KCTD1: variants seen among roughly 807,000 people sequenced by gnomAD.
The protein encoded by KCTD1 is potassium channel tetramerization domain containing 1, also known as BTB/POZ domain-containing protein KCTD1.
Under a neutral mutation model 66.0 loss-of-function variants are expected in KCTD1, and 24 were observed. The observed-to-expected ratio is 0.36, with a 90% CI of 0.26 to 0.51. The LOEUF is 0.51. KCTD1 is among the 20% of genes least tolerant of loss of function. The probability of loss-of-function intolerance (pLI) is 0.95; values close to 1 mark genes in which losing one functional copy is unlikely to be tolerated. For missense variants in KCTD1, 943 were observed against 1,205.2 expected (o/e 0.78, Z 3.22); for synonymous variants, 511 against 517.2 (o/e 0.99, Z 0.16).
chr18:26,578,577 A>G (rs917946489), intron 1 of KCTD1, among the ~76,000 whole-genome samples: 3 of 152,180 alleles, frequency 2.0e-5, no homozygotes, highest in African/African-American at 7.2e-5. Flanking sequence ...GCTGAACTCA[A>G]CTGAACCAAC....
chr18:26,546,670 A>T (rs1985235104), intron 1 of KCTD1, 58 bp downstream of exon 1: 1 of 1,490,670 alleles, frequency 6.7e-7, no homozygotes, highest in Admixed American at 2.4e-5. Context: ...TTAGCACAAA[A>T]GTTAGTCCCG....
chr18:26,647,226 C>T (rs749650953), intron 1 of KCTD1, among the ~76,000 whole-genome samples: 5 of 151,902 alleles, frequency 3.3e-5, no homozygotes, highest in Admixed American at 2.0e-4. Context: ...AGACTGAATT[C>T]AGCTAGGCAC....
chr18:26,539,434 A>C (rs1236872478), intron 1 of KCTD1, among the ~76,000 whole-genome samples: 1 of 152,100 alleles, frequency 6.6e-6, no homozygotes, highest in Non-Finnish European at 1.5e-5. Context: ...CATTTCCCAC[A>C]AGCTCCCAAG....
chr18:26,456,056 A>C (rs1454598233), intron 4 of KCTD1, 155 bp from the exon 5 acceptor site: 3 of 664,376 alleles, frequency 4.5e-6, no homozygotes, highest in Non-Finnish European at 7.5e-6. Flanking sequence ...CCCTGGATTA[A>C]TGGGCAGGAG....
chr18:26,514,806 A>G (rs1167280998), intron 1 of KCTD1, among the ~76,000 whole-genome samples: 1 of 152,222 alleles, frequency 6.6e-6, no homozygotes, highest in Admixed American at 6.5e-5. Context: ...ATTTGGACCA[A>G]TAGTGCCTGC....
At chr18:26,574,462 A>T (rs1476194542) in intron 1 of KCTD1, among the ~76,000 whole-genome samples, 1 of 152,172 alleles carries the variant, frequency 6.6e-6, no homozygotes, top group Non-Finnish European at 1.5e-5. Flanking sequence ...AACACACAAA[A>T]AGTAATTCTC....
At chr18:26,616,721 G>A (rs919606890) in intron 1 of KCTD1, among the ~76,000 whole-genome samples, 1 of 151,828 alleles carries the variant, frequency 6.6e-6, no homozygotes, top group Non-Finnish European at 1.5e-5. Flanking sequence ...ACCAGGTCTG[G>A]TTACTCAGGC....
chr18:26,485,542 G>A (rs780406314), intron 2 of KCTD1, among the ~76,000 whole-genome samples: 1 of 152,202 alleles, frequency 6.6e-6, no homozygotes, highest in Non-Finnish European at 1.5e-5. Flanking sequence ...TGACTTGAGT[G>A]TTTGTTTAAA....
chr18:26,595,880 A>G (rs534581609), intron 1 of KCTD1, among the ~76,000 whole-genome samples: 1 of 152,244 alleles, frequency 6.6e-6, no homozygotes, highest in East Asian at 1.9e-4. Context: ...TCTCTACAAA[A>G]AATAATTTTA....
At chr18:26,500,102 C>T (rs1332623844) in intron 2 of KCTD1, among the ~76,000 whole-genome samples, 22 of 151,798 alleles carry the variant, frequency 1.4e-4, no homozygotes, top group Admixed American at 1.2e-3. Flanking sequence ...GGCAACATAG[C>T]GCGACCCCAT....
chr18:26,474,648 T>G (rs149763642), intron 3 of KCTD1, among the ~76,000 whole-genome samples: 1 of 152,364 alleles, frequency 6.6e-6, no homozygotes, highest in East Asian at 1.9e-4. Flanking sequence ...CTGGGTTGTT[T>G]GTATGTTTCT....
chr18:26,593,008 T>C (rs1021840410), intron 1 of KCTD1, among the ~76,000 whole-genome samples: 6 of 152,188 alleles, frequency 3.9e-5, no homozygotes, highest in Admixed American at 2.0e-4. Context: ...TCCCCTTCCC[T>C]CCCGCTTCCT....
At chr18:26,465,038 G>A (rs1980647408) in intron 3 of KCTD1, among the ~76,000 whole-genome samples, 3 of 152,110 alleles carry the variant, frequency 2.0e-5, no homozygotes, top group South Asian at 4.2e-4. Context: ...CAGTGTTTAG[G>A]GTACTAAAGC....
chr18:26,600,890 A>G (rs1330212222), intron 1 of KCTD1, among the ~76,000 whole-genome samples: 5 of 151,804 alleles, frequency 3.3e-5, no homozygotes, highest in Non-Finnish European at 7.4e-5. Flanking sequence ...ACCACATTTT[A>G]CTGTAGCATT....
chr18:26,641,920 G>T (rs1012569021), upstream of KCTD1, among the ~76,000 whole-genome samples: 7 of 152,290 alleles, frequency 4.6e-5, no homozygotes, highest in Middle Eastern at 3.4e-3. Flanking sequence ...ATATGCATAT[G>T]TATATTTATA....
intron 1 of KCTD1, among the ~76,000 whole-genome samples, chr18:26,517,484 C>T (rs1001361130): frequency 6.6e-6 from 1 of 152,042 alleles, no homozygotes; most frequent in East Asian, 1.9e-4. Flanking sequence ...GGAGAAACCC[C>T]GTCTCTACTA....
upstream of KCTD1, among the ~76,000 whole-genome samples, chr18:26,642,036 T>G (rs1987843724): frequency 6.6e-6 from 1 of 152,212 alleles, no homozygotes; most frequent in Non-Finnish European, 1.5e-5. Context: ...GCTCTCTAGA[T>G]GTTGCTCTAT....
At position 26,629,121 on chromosome 18, in the gene KCTD1, G is replaced by T. The variant is rs192075437; in HGVS notation, c.-16+26C>A. 4 of 943,976 alleles carry T rather than the reference G, an allele frequency of 4.2e-6. No individual in the cohort carries two copies. In the Admixed American group the frequency reaches 2.5e-4, roughly 58 times the overall value. The allele number at this position is 943,976 out of a possible 1,614,324, so 58.5% of individuals were successfully genotyped here. A position where few individuals can be genotyped will look rare whatever the true frequency, so the allele number is the denominator to read the frequency against. On this transcript the variant is annotated intron_variant, in intron 1 of 4. Coordinates refer to the KCTD1 transcript ENST00000317932. ...AACAAATCTACAACAAATTATGAGG[G>T]AGGAAGTGTGGAAGGGTTTTCTTAC...
intron 1 of KCTD1, among the ~76,000 whole-genome samples, chr18:26,614,508 AG>A (rs1306942734): frequency 1.3e-5 from 2 of 152,142 alleles, no homozygotes; most frequent in Non-Finnish European, 2.9e-5. Flanking sequence ...CAGAGAGGAG[AG>A]GGATGAATCG....
Sources: gnomAD v4.1 joint callset for allele counts (sites outside exome capture counted in the v4.1 genomes callset) on GRCh38, gnomAD v4.1.1 for gene constraint, MANE v1.5 for transcripts, NCBI Gene and HGNC (gene_info 2026-07-23, HGNC 2026-07-21) for gene names.